Variants in EIF2D observed in about 807,000 individuals in gnomAD.
EIF2D encodes eukaryotic translation initiation factor 2D.
In EIF2D, 56 loss-of-function variants were observed where a neutral mutation model predicts 77.4. That is an observed-to-expected ratio of 0.72 (90% CI 0.58 to 0.90). EIF2D has a LOEUF of 0.90. EIF2D is among the 40% of genes least tolerant of loss of function. The pLI, the probability that EIF2D is intolerant of heterozygous loss-of-function variation, is 0.00. For missense variants in EIF2D, 574 were observed against 706.5 expected (o/e 0.81, Z 2.13); for synonymous variants, 230 against 271.0 (o/e 0.85, Z 1.49).
chr1:206,575,976 G>A lies in EIF2D; in HGVS notation c.*255-3277C>T, dbSNP rs527472340. Among the ~76,000 whole-genome samples the A allele has an allele frequency of 5.9e-5, 9 of 152,320 alleles. No individual in the cohort carries two copies. In the South Asian group the frequency reaches 1.9e-3, roughly 32 times the overall value. ...GTGGGCTCTGGCCTGAGACTCCCCA[G>A]GCTGTCTTGCCCTCCCCTGCCACCC... On this transcript the variant is annotated intron_variant and NMD_transcript_variant, in intron 4 of 5. Coordinates refer to the EIF2D transcript ENST00000472709.
intron 4 of EIF2D, among the ~76,000 whole-genome samples, chr1:206,606,898 G>A (rs1553412820): frequency 1.3e-5 from 2 of 152,302 alleles, no homozygotes; most frequent in African/African-American, 4.8e-5. Context: ...TATGCTGCAG[G>A]TAGGTGTAAA....
intron 7 of EIF2D, chr1:206,601,865 G>T: frequency 6.3e-6 from 1 of 159,558 alleles, no homozygotes; most frequent in East Asian, 1.9e-4. Context: ...TTTGGATGGG[G>T]TGGGCCGGGA....
chr1:206,578,631 G>C (rs1215898258), intron 4 of EIF2D, among the ~76,000 whole-genome samples: 2 of 152,150 alleles, frequency 1.3e-5, no homozygotes, highest in African/African-American at 2.4e-5. Flanking sequence ...AATTAGGTTT[G>C]TGATTTTGGT....
chr1:206,593,658 G>A lies in EIF2D; in HGVS notation c.1645C>T (p.Gln549Ter), dbSNP rs1669495587. ...CCGAGGTGGTGGACCTGGTTTCCCT[G>A]GATCTGCACCTGAAGGCTGTCCTTG... The part of the protein sequence containing the change: ...GAKDSLQVQI[Q>*]GNQVHHLGWL... Residue 549 changes from glutamine to a stop codon, truncating the protein, a stop_gained, in exon 14 of 15, where the codon CAG becomes TAG. Coordinates refer to ENST00000271764, the MANE Select transcript of EIF2D (RefSeq NM_006893.3). LOFTEE classifies it high-confidence loss of function. 6.2e-7 allele frequency: 1 copy of A among 1,612,858 alleles called. No homozygotes were observed. Among genetic ancestry groups the A allele is most frequent in the Admixed American group, 1.7e-5 (1 of 59,956 alleles).
downstream of EIF2D, among the ~76,000 whole-genome samples, chr1:206,590,057 T>C (rs1669292887): frequency 1.3e-5 from 2 of 152,252 alleles, no homozygotes; most frequent in African/African-American, 4.8e-5. Flanking sequence ...AATTCAAAGT[T>C]GTACGTTTGA....
chr1:206,578,239 T>C (rs1475909400), intron 4 of EIF2D, among the ~76,000 whole-genome samples: 1 of 148,554 alleles, frequency 6.7e-6, no homozygotes, highest in Non-Finnish European at 1.5e-5. Context: ...AAAAAGTGTG[T>C]GTGTGTGTGT....
chr1:206,599,856 T>C lies in EIF2D; in HGVS notation c.949-20A>G. ...AGAGAGCTAAGGGAGAGAGGGCCAG[T>C]GGTAGGGGACTTCATTGATTCCACA... is the stretch of plus-strand genomic sequence containing the variant. On this transcript the variant is annotated intron_variant, in intron 8 of 14. Transcript: ENST00000271764. The surrounding 1 kb of genome is among the most constrained non-coding windows in gnomAD (Gnocchi z 4.1). 1 of 1,610,068 alleles carries C rather than the reference T, an allele frequency of 6.2e-7. No homozygotes were observed. Among genetic ancestry groups the C allele is most frequent in the Non-Finnish European group, 8.5e-7 (1 of 1,176,764 alleles).
rs554539937 is a variant in EIF2D at position 206,611,257 on chromosome 1, C to T, written c.174G>A (p.Gly58=). 3 of 1,614,190 alleles carry T rather than the reference C, an allele frequency of 1.9e-6. No homozygotes were observed. The South Asian group carries it at 3.3e-5, about 18-fold the overall frequency. The change falls in exon 2 of 15, where the codon GGG becomes GGA. Residue 58 remains glycine, a synonymous_variant. Coordinates refer to ENST00000271764, the MANE Select transcript of EIF2D (RefSeq NM_006893.3). ...LNIVKLYAHK[G]DAVTVYVSGG... Reference sequence around the variant, plus strand: ...CACTCACGTACACAGTCACTGCATCCCCTTTGTGAGCATACAACTTCACAA... The same window carrying T: ...CACTCACGTACACAGTCACTGCATCTCCTTTGTGAGCATACAACTTCACAA...
downstream of EIF2D, chr1:206,571,152 C>T (rs542326704): frequency 6.6e-6 from 1 of 152,276 alleles, no homozygotes; most frequent in African/African-American, 2.4e-5. Flanking sequence ...GAAATGGTAT[C>T]TCACTGTGGT....
Position 206,612,292 on chromosome 1 carries a change from C to G in EIF2D, c.51G>C (p.Ser17=). ...AGGCCCCTTTCCTCCCTCACCTGTC[C>G]GACCCCTTGATGGCCGTGTTGGACT... ...RVKSNTAIKG[S]DRRKLRADVT... The change falls in exon 1 of 15, where the codon TCG becomes TCC. Residue 17 remains serine (S), a synonymous_variant. Transcript: ENST00000271764. The G allele has an allele frequency of 6.2e-7, 1 of 1,614,226 alleles. No homozygotes were observed. The highest frequency in any genetic ancestry group is 8.5e-7 in the Non-Finnish European group (1 of 1,180,022).
downstream of EIF2D, chr1:206,588,447 T>G (rs1030068804): frequency 6.6e-6 from 1 of 152,280 alleles, no homozygotes; most frequent in African/African-American, 2.4e-5. Context: ...GCAGAGACAC[T>G]CCAGTGCAGA....
intron 4 of EIF2D, among the ~76,000 whole-genome samples, chr1:206,607,710 A>G (rs1553412983): frequency 6.6e-6 from 1 of 152,196 alleles, no homozygotes; most frequent in Admixed American, 6.5e-5. Flanking sequence ...AAAACAAAAA[A>G]GGTCACAAAC....
chr1:206,580,323 T>C (rs190564775), intron 4 of EIF2D, among the ~76,000 whole-genome samples: 2 of 152,294 alleles, frequency 1.3e-5, no homozygotes, highest in African/African-American at 4.8e-5. Context: ...TGAGAGGAGA[T>C]CTTTCCGAAG....
intron 13 of EIF2D, 105 bp from the exon 14 acceptor site, chr1:206,593,898 A>C: frequency 1.0e-6 from 1 of 974,170 alleles, no homozygotes; most frequent in Non-Finnish European, 1.5e-6. Flanking sequence ...GTGTTCTCTG[A>C]TGGTTCACCA....
chr1:206,584,293 CAGGT>C lies in EIF2D; in HGVS notation c.139-3135_139-3132del. 2.4e-6 allele frequency: 3 copies of C among 1,233,838 alleles called. No individual in the cohort carries two copies. Among genetic ancestry groups the C allele is most frequent in the Non-Finnish European group, 3.4e-6 (3 of 888,606 alleles). The allele number at this position is 1,233,838 out of a possible 1,614,324, so 76.4% of individuals were successfully genotyped here. A position where few individuals can be genotyped will look rare whatever the true frequency, so the allele number is the denominator to read the frequency against. ...AGAGGCAGGAAAGAACTCAAGGAGA[CAGGT>C]GGGTGCTGCTGGGGCAATGGCCCCG... is the stretch of plus-strand genomic sequence containing the variant. On this transcript the variant is annotated intron_variant and NMD_transcript_variant, in intron 2 of 5. Transcript: ENST00000472709. This position sits in a 1 kb window ranked among gnomAD's most constrained non-coding sequence, Gnocchi z 4.9.
intron 4 of EIF2D, among the ~76,000 whole-genome samples, chr1:206,576,433 G>T (rs1052619694): frequency 1.3e-5 from 2 of 152,218 alleles, no homozygotes; most frequent in Non-Finnish European, 2.9e-5. Context: ...ATGGAGTAAA[G>T]TGAGCAAAAT....
In EIF2D at chr1:206,602,400, C is replaced by A; in HGVS notation, c.838G>T (p.Val280Phe). 6.2e-7 allele frequency: 1 copy of A among 1,614,222 alleles called. No homozygotes were observed. The highest frequency in any genetic ancestry group is 8.5e-7 in the Non-Finnish European group (1 of 1,180,038). The change falls in exon 7 of 15, where the codon GTC (valine) becomes TTC (phenylalanine). Residue 280 changes from valine to phenylalanine, a missense_variant. Coordinates refer to ENST00000271764, the MANE Select transcript of EIF2D (RefSeq NM_006893.3). ...AGTAAAGGGAGGTCAGCCTTTTTGACTCGGCACTTCAAGGCATGTAAGAAG... is the reference window on the plus strand; with the variant it reads ...AGTAAAGGGAGGTCAGCCTTTTTGAATCGGCACTTCAAGGCATGTAAGAAG... ...QCFLHALKCR[V>F]KKADLPLLTS...
At chr1:206,587,208 A>G (rs1022721572), downstream of EIF2D, 24 of 508,850 alleles carry the variant, frequency 4.7e-5, no homozygotes. Context: ...ATCAGAACTC[A>G]TGTGAAACAA....
chr1:206,591,646 G>C lies in EIF2D; in HGVS notation c.*129C>G, dbSNP rs1364051522. 1.2e-6 allele frequency: 1 copy of C among 864,252 alleles called. No homozygotes were observed. The highest frequency in any genetic ancestry group is 1.7e-5 in the African/African-American group (1 of 58,322). The allele number at this position is 864,252 out of a possible 1,614,324, so 53.5% of individuals were successfully genotyped here. A position where few individuals can be genotyped will look rare whatever the true frequency, so the allele number is the denominator to read the frequency against. ...GGAAACAAGAGGGAAGTCAGATTTAGATTAGAATAAAAATTTATTTTTGTA... is the reference window on the plus strand; with the variant it reads ...GGAAACAAGAGGGAAGTCAGATTTACATTAGAATAAAAATTTATTTTTGTA... On this transcript the variant is annotated 3_prime_UTR_variant, in exon 15 of 15. Transcript: ENST00000271764.
Sources: gnomAD v4.1 joint callset for allele counts (sites outside exome capture counted in the v4.1 genomes callset) on GRCh38, gnomAD v4.1.1 for gene constraint, Gnocchi (gnomAD v3.1) non-coding constraint, MANE v1.5 for transcripts, NCBI Gene and HGNC (gene_info 2026-07-23, HGNC 2026-07-21) for gene names.